SMYD3: variants seen among roughly 807,000 people sequenced by gnomAD.
SMYD3 encodes the protein SET and MYND domain containing 3.
Under a neutral mutation model 57.7 loss-of-function variants are expected in SMYD3, and 36 were observed. That is an observed-to-expected ratio of 0.62 (90% CI 0.48 to 0.82). The LOEUF (loss-of-function observed/expected upper bound fraction) is 0.82, where lower values mean the gene tolerates loss of function less well. Among genes scored for constraint, SMYD3 ranks in the 40% least tolerant of loss-of-function variants. SMYD3 has a pLI of 0.00. For missense variants in SMYD3, 515 were observed against 538.8 expected (o/e 0.96, Z 0.44); for synonymous variants, 211 against 195.0 (o/e 1.08, Z -0.68).
intron 2 of SMYD3, among the ~76,000 whole-genome samples, chr1:246,353,017 G>A (rs2065855562): frequency 6.6e-6 from 1 of 152,112 alleles, no homozygotes; most frequent in Non-Finnish European, 1.5e-5. Flanking sequence ...AGCTTCACGT[G>A]AATAAAACAC....
intron 1 of SMYD3, among the ~76,000 whole-genome samples, chr1:246,381,155 C>T (rs1324212398): frequency 6.6e-6 from 1 of 152,116 alleles, no homozygotes; most frequent in Non-Finnish European, 1.5e-5. Flanking sequence ...ACTCTCTAGG[C>T]CTCTAGTCTT....
intron 5 of SMYD3, among the ~76,000 whole-genome samples, chr1:246,324,009 C>T (rs2065294262): frequency 6.6e-6 from 1 of 152,158 alleles, no homozygotes; most frequent in Non-Finnish European, 1.5e-5. Flanking sequence ...ACTAGTCCCT[C>T]TATTTTTGTG....
chr1:246,003,051 A>T (rs1292483978), intron 5 of SMYD3, among the ~76,000 whole-genome samples: 6 of 152,264 alleles, frequency 3.9e-5, no homozygotes, highest in Admixed American at 3.9e-4. Flanking sequence ...AGGATAAGGC[A>T]GAGAAGAGAA....
chr1:245,777,090 T>C (rs2046635846), intron 10 of SMYD3, among the ~76,000 whole-genome samples: 1 of 152,158 alleles, frequency 6.6e-6, no homozygotes, highest in Non-Finnish European at 1.5e-5. Context: ...AAAATGATCG[T>C]AATGGACAAC....
chr1:246,232,720 T>C (rs867470245), intron 5 of SMYD3, among the ~76,000 whole-genome samples: 1,528 of 112,194 alleles, frequency 0.014, 2 homozygotes, highest in African/African-American at 0.031. Context: ...CTCCTTCAAT[T>C]CACACAGTGA....
At chr1:246,244,850 T>C (rs2063674602) in intron 5 of SMYD3, among the ~76,000 whole-genome samples, 1 of 152,202 alleles carries the variant, frequency 6.6e-6, no homozygotes, top group African/African-American at 2.4e-5. Flanking sequence ...TTTTCCACTC[T>C]ACTATGAATT....
chr1:246,373,104 TAAAA>T lies in SMYD3; in HGVS notation c.165-18014_165-18011del, dbSNP rs897558607. Among the ~76,000 whole-genome samples the T allele has an allele frequency of 5.3e-5, 8 of 152,040 alleles. No individual in the cohort carries two copies. In the East Asian group the frequency reaches 9.6e-4, roughly 18 times the overall value. ...GTAAAATTAAGTTTTTTCAATGTAT[TAAAA>T]AAAAGACTGAAAAGAAATAGACCAA... On this transcript the variant is annotated intron_variant, in intron 1 of 11. Coordinates refer to ENST00000490107, the MANE Select transcript of SMYD3 (RefSeq NM_001167740.2).
chr1:246,245,562 A>G (rs1266719368), intron 5 of SMYD3, among the ~76,000 whole-genome samples: 1 of 152,210 alleles, frequency 6.6e-6, no homozygotes, highest in Non-Finnish European at 1.5e-5. Context: ...CAACCCTTAA[A>G]GAGAGAAATG....
At chr1:246,255,548 GT>G (rs1277599020) in intron 5 of SMYD3, among the ~76,000 whole-genome samples, 3 of 151,936 alleles carry the variant, frequency 2.0e-5, no homozygotes, top group Non-Finnish European at 4.4e-5. Flanking sequence ...TGGTAATAAA[GT>G]TTTTGATGTG....
At chr1:246,173,322 G>C (rs1354558779) in intron 5 of SMYD3, among the ~76,000 whole-genome samples, 1 of 152,206 alleles carries the variant, frequency 6.6e-6, no homozygotes, top group Non-Finnish European at 1.5e-5. Flanking sequence ...CACAGGCCTA[G>C]AACACTCACT....
Position 245,764,101 on chromosome 1 carries a change from T to A in SMYD3, c.1125A>T (p.Lys375Asn). The A allele has an allele frequency of 6.2e-7, 1 of 1,614,096 alleles. No individual in the cohort carries two copies. Among genetic ancestry groups the A allele is most frequent in the Non-Finnish European group, 8.5e-7 (1 of 1,180,010 alleles). Residue 375 changes from lysine (K) to asparagine (N), a missense_variant, in exon 11 of 12, where the codon AAA becomes AAT. By Grantham distance (94) the Lys-to-Asn change is moderately conservative. Transcript: ENST00000490107. ...SHPVRGVQVMKVGKLQLHQGM... is the reference protein window; with the variant it reads ...SHPVRGVQVMNVGKLQLHQGM... ...CTTGATGTAGCTGCAGTTTGCCAAC[T>A]TTCATCACTTGAACCCCTCTGACGG... is the stretch of plus-strand genomic sequence containing the variant.
chr1:245,928,256 C>T (rs769635424), intron 6 of SMYD3, among the ~76,000 whole-genome samples: 4 of 152,006 alleles, frequency 2.6e-5, no homozygotes, highest in African/African-American at 4.8e-5. Context: ...TAGGGAATTC[C>T]GTCATTTAAT....
At chr1:246,501,225 A>C (rs2068451538) in intron 1 of SMYD3, among the ~76,000 whole-genome samples, 1 of 152,214 alleles carries the variant, frequency 6.6e-6, no homozygotes, top group African/African-American at 2.4e-5. Context: ...TTATTTTCAC[A>C]GAGGTAAGTG....
At chr1:245,832,517 G>A (rs1383987808) in intron 10 of SMYD3, among the ~76,000 whole-genome samples, 2 of 99,490 alleles carry the variant, frequency 2.0e-5, no homozygotes, top group Admixed American at 1.0e-4. Flanking sequence ...AGGAGAAGAC[G>A]ACACCTGATT....
At chr1:246,454,813 T>C (rs1387016508) in intron 1 of SMYD3, among the ~76,000 whole-genome samples, 1 of 152,148 alleles carries the variant, frequency 6.6e-6, no homozygotes, top group East Asian at 1.9e-4. Context: ...GGATGCAAGC[T>C]CTAAGGGCAG....
chr1:246,466,364 A>T (rs2103044065), intron 1 of SMYD3, among the ~76,000 whole-genome samples: 1 of 152,326 alleles, frequency 6.6e-6, no homozygotes, highest in Non-Finnish European at 1.5e-5. Context: ...GAACAAAATC[A>T]TGTCCTCAGC....
intron 5 of SMYD3, among the ~76,000 whole-genome samples, chr1:246,307,643 T>A (rs1320570536): frequency 6.6e-6 from 1 of 151,924 alleles, no homozygotes; most frequent in Admixed American, 6.6e-5. Flanking sequence ...ATGGTCTCGA[T>A]CTCCTGACCT....
At chr1:246,022,092 A>G (rs971032099) in intron 5 of SMYD3, among the ~76,000 whole-genome samples, 12 of 152,218 alleles carry the variant, frequency 7.9e-5, no homozygotes, top group Admixed American at 7.9e-4. Flanking sequence ...AACAAATGAA[A>G]GTCTAAATCA....
chr1:246,407,468 C>T (rs1241009108), intron 1 of SMYD3, among the ~76,000 whole-genome samples: 1 of 152,248 alleles, frequency 6.6e-6, no homozygotes, highest in Non-Finnish European at 1.5e-5. Flanking sequence ...AGTGCCAAAA[C>T]ATTTATATAA....
Sources: gnomAD v4.1 joint callset for allele counts (sites outside exome capture counted in the v4.1 genomes callset) on GRCh38, gnomAD v4.1.1 for gene constraint, MANE v1.5 for transcripts, NCBI Gene and HGNC (gene_info 2026-07-23, HGNC 2026-07-21) for gene names.